SYNE2: variants seen among roughly 807,000 people sequenced by gnomAD.
SYNE2 encodes the protein spectrin repeat containing nuclear envelope protein 2, also known as nesprin-2.
In SYNE2, 431 loss-of-function variants were observed where a neutral mutation model predicts 856.3. The ratio of observed to expected loss-of-function variants is 0.50; its 90% CI spans 0.47 to 0.55. The LOEUF is 0.55. Ranked by LOEUF, SYNE2 falls within the 20% of genes least tolerant of loss-of-function variation. The probability of loss-of-function intolerance (pLI) is 0.00; values close to 1 mark genes in which losing one functional copy is unlikely to be tolerated. For missense variants in SYNE2, 8,129 were observed against 8,023.2 expected, an observed-to-expected ratio of 1.01 and a Z score of -0.50; for synonymous variants, 2,923 against 2,872.3, an observed-to-expected ratio of 1.02 and a Z score of -0.56.
intron 17 of SYNE2, 58 bp downstream of exon 17, chr14:63,982,852 T>A: frequency 6.5e-7 from 1 of 1,548,806 alleles, no homozygotes; most frequent in South Asian, 1.1e-5. Flanking sequence ...ACCACACAAT[T>A]TACTCATTGT....
chr14:63,938,078 C>T (rs552158009), intron 2 of SYNE2, among the ~76,000 whole-genome samples: 6 of 152,020 alleles, frequency 3.9e-5, no homozygotes, highest in Admixed American at 6.5e-5. Context: ...TGACGCAGGG[C>T]AGAAGACAAG....
At chr14:64,105,814 C>T (rs1402799114) in intron 64 of SYNE2, among the ~76,000 whole-genome samples, 1 of 152,064 alleles carries the variant, frequency 6.6e-6, no homozygotes, top group Non-Finnish European at 1.5e-5. Context: ...AATCCTAGCA[C>T]TTTGGGAGGC....
At chr14:64,103,679 C>T (rs889098178) in intron 64 of SYNE2, among the ~76,000 whole-genome samples, 1 of 152,046 alleles carries the variant, frequency 6.6e-6, no homozygotes, top group Non-Finnish European at 1.5e-5. Context: ...AGGTTCCTTC[C>T]TTCTCTACCT....
intron 66 of SYNE2, among the ~76,000 whole-genome samples, chr14:64,114,400 A>T (rs2097838815): frequency 6.6e-6 from 1 of 152,120 alleles, no homozygotes. Flanking sequence ...GTCTGCCAGG[A>T]TGAAGACATC....
At chr14:63,950,416 G>C (rs908381774) in intron 7 of SYNE2, among the ~76,000 whole-genome samples, 3 of 152,040 alleles carry the variant, frequency 2.0e-5, no homozygotes, top group African/African-American at 7.2e-5. Flanking sequence ...TTAGCCTGGC[G>C]TGGTGGCATG....
At chr14:63,829,450 C>A (rs1024102781) in intron 1 of SYNE2, among the ~76,000 whole-genome samples, 4 of 151,854 alleles carry the variant, frequency 2.6e-5, no homozygotes, top group African/African-American at 9.7e-5. Flanking sequence ...CAAAAAAAGT[C>A]TAGCGTTTCT....
chr14:64,047,376 G>A (rs2097193815), intron 45 of SYNE2, among the ~76,000 whole-genome samples: 1 of 152,168 alleles, frequency 6.6e-6, no homozygotes, highest in African/African-American at 2.4e-5. Flanking sequence ...AACCAATTAG[G>A]AAAGGGTGGG....
rs1473687174 is a variant in SYNE2 at position 64,052,141 on chromosome 14, C to T, written c.8228C>T (p.Ala2743Val). The change falls in exon 48 of 116, where the codon GCC (alanine) becomes GTC (valine). Residue 2743 changes from alanine (A) to valine (V), a missense_variant. Ala to Val is a moderately conservative substitution (Grantham distance 64, BLOSUM62 0). Around this residue, in one of 3 missense-constraint regions of SYNE2, gnomAD observed 5,410 missense variants for 5,284.8 expected, o/e 1.02. Coordinates refer to ENST00000555002, the MANE Select transcript of SYNE2 (RefSeq NM_182914.3). ...RNKMKETILWAKNLLGELNPS... is the reference protein window; with the variant it reads ...RNKMKETILWVKNLLGELNPS... ...AAGATGAAAGAGACTATCTTATGGG[C>T]CAAGAATTTGTTGGGTGAACTTAAT... 6.2e-7 allele frequency: 1 copy of T among 1,614,036 alleles called. No homozygotes were observed. Among genetic ancestry groups the T allele is most frequent in the Non-Finnish European group, 8.5e-7 (1 of 1,179,992 alleles).
intron 68 of SYNE2, among the ~76,000 whole-genome samples, 170 bp downstream of exon 68, chr14:64,121,231 A>G (rs1034078917): frequency 1.3e-5 from 2 of 151,750 alleles, no homozygotes; most frequent in Admixed American, 1.3e-4. Context: ...TTCAAAAACC[A>G]AAAAAAAGGC....
chr14:64,160,709 A>G (rs948775891), intron 87 of SYNE2, among the ~76,000 whole-genome samples: 1 of 152,244 alleles, frequency 6.6e-6, no homozygotes, highest in Admixed American at 6.5e-5. Flanking sequence ...GAATGTAAAT[A>G]TAATGCTTTC....
At chr14:63,984,347 C>T (rs2096609217) in intron 18 of SYNE2, among the ~76,000 whole-genome samples, 1 of 152,176 alleles carries the variant, frequency 6.6e-6, no homozygotes, top group Non-Finnish European at 1.5e-5. Flanking sequence ...TAAATGTTTT[C>T]CCTTATGAAG....
intron 1 of SYNE2, among the ~76,000 whole-genome samples, chr14:63,785,889 C>T (rs200366706): frequency 6.6e-6 from 1 of 151,902 alleles, no homozygotes; most frequent in African/African-American, 2.4e-5. Context: ...GAGGACCAAT[C>T]GAGCCCAGGA....
intron 9 of SYNE2, among the ~76,000 whole-genome samples, chr14:63,962,147 C>G (rs1211112839): frequency 1.3e-5 from 2 of 151,948 alleles, no homozygotes; most frequent in Non-Finnish European, 2.9e-5. Context: ...ACCTCTGTCT[C>G]CCCGTTCAAG....
intron 76 of SYNE2, among the ~76,000 whole-genome samples, chr14:64,131,522 A>C (rs899005209): frequency 6.6e-6 from 1 of 152,028 alleles, no homozygotes; most frequent in East Asian, 1.9e-4. Flanking sequence ...TGTCCATCCA[A>C]CTTGTCTTGA....
Position 64,056,071 on chromosome 14 carries a change from A to T in SYNE2, c.9872A>T (p.Glu3291Val). The part of the protein sequence containing the change: ...PYRVDVGNPE[E>V]SLEMPLRKQE... ...AGAGTAGATGTTGGTAATCCAGAAG[A>T]ATCTTTAGAGATGCCTCTTCGAAAA... is the stretch of plus-strand genomic sequence containing the variant. Residue 3291 changes from glutamate to valine, a missense_variant, in exon 49 of 116, where the codon GAA (glutamate) becomes GTA (valine). Glu to Val is a moderately radical substitution (Grantham distance 121). This residue lies in a region of SYNE2 where 5,410 missense variants were observed against 5,284.8 expected (regional missense o/e 1.02). Transcript: ENST00000555002. 1 of 1,614,186 alleles carries T rather than the reference A, an allele frequency of 6.2e-7. No homozygotes were observed. The highest frequency in any genetic ancestry group is 8.5e-7 in the Non-Finnish European group (1 of 1,180,012).
rs1361343294 is a variant in SYNE2 at position 64,122,289 on chromosome 14, C to T, written c.13284C>T (p.Asn4428=). 6.2e-7 allele frequency: 1 copy of T among 1,614,148 alleles called. No individual in the cohort carries two copies. The highest frequency in any genetic ancestry group is 1.1e-5 in the South Asian group (1 of 91,080). Residue 4428 remains asparagine (N), a synonymous_variant, in exon 70 of 116, where the codon AAC becomes AAT. Transcript: ENST00000555002. ...ACCTTTTGTTCTTCTTCAAAAGCAA[C>T]CAGGCATCCAGCCCTGAAAATGACG... ...NDTTQESSAS[N]QASSPENDVP... is the part of the protein sequence containing the mutation.
chr14:63,969,381 G>A lies in SYNE2; in HGVS notation c.1128+1535G>A, dbSNP rs930119140. 2.1e-4 allele frequency among the ~76,000 whole-genome samples: 27 copies of A among 128,392 alleles called. No individual in the cohort carries two copies. In the East Asian group the frequency reaches 3.1e-3, roughly 15 times the overall value. The allele number at this position is 128,392 out of a possible 152,430, so 84.2% of individuals were successfully genotyped here. A position where few individuals can be genotyped will look rare whatever the true frequency, so the allele number is the denominator to read the frequency against. Reference sequence around the variant, plus strand: ...TTTTGAGATGGGGTCTTGTTCTGTCGCCATGCTGGAGTGCAGGGGTGCAAT... The same window carrying A: ...TTTTGAGATGGGGTCTTGTTCTGTCACCATGCTGGAGTGCAGGGGTGCAAT... On this transcript the variant is annotated intron_variant, in intron 11 of 115. Transcript: ENST00000555002.
chr14:63,866,898 G>A (rs1895486753), intron 1 of SYNE2, among the ~76,000 whole-genome samples: 1 of 152,188 alleles, frequency 6.6e-6, no homozygotes, highest in African/African-American at 2.4e-5. Context: ...CTTGAGCCCA[G>A]AAGATGGAGA....
At chr14:63,763,751 A>G (rs1267486650) in intron 1 of SYNE2, among the ~76,000 whole-genome samples, 1 of 152,108 alleles carries the variant, frequency 6.6e-6, no homozygotes, top group African/African-American at 2.4e-5. Flanking sequence ...TACAGCCTCA[A>G]ACTCCCAGGC....
Sources: gnomAD v4.1 joint callset for allele counts (sites outside exome capture counted in the v4.1 genomes callset) on GRCh38, gnomAD v4.1.1 for gene constraint, gnomAD v4.1.1 regional missense constraint, MANE v1.5 for transcripts, NCBI Gene and HGNC (gene_info 2026-07-23, HGNC 2026-07-21) for gene names.